The following CILP2 variants were observed in gnomAD, a reference collection of about 807,000 sequenced individuals.
CILP2 encodes the protein CILP-2.
In CILP2, 38 loss-of-function variants were observed where a neutral mutation model predicts 45.6. That is an observed-to-expected ratio of 0.83 (90% CI 0.64 to 1.09). The LOEUF is 1.09. Ranked by LOEUF, CILP2 falls within the 50% of genes least tolerant of loss-of-function variation. The pLI is 0.00. For missense variants in CILP2, 1,735 were observed against 1,662.2 expected, an observed-to-expected ratio of 1.04 and a Z score of -0.76; for synonymous variants, 780 against 723.5, an observed-to-expected ratio of 1.08 and a Z score of -1.25.
At position 19,542,365 on chromosome 19, in the gene CILP2, A is replaced by G; in HGVS notation, c.593-10A>G. 1 of 1,601,844 alleles carries G rather than the reference A, an allele frequency of 6.2e-7. No individual in the cohort carries two copies. ...TTTCTCTGTCCTGCTTCCTCTCCAT[A>G]TCCCCCCAGGGTGCAGCCTTGACAC... On this transcript the variant is annotated splice_polypyrimidine_tract_variant and intron_variant, in intron 4 of 7. Transcript: ENST00000291495.
chr19:19,542,979 G>T lies in CILP2; in HGVS notation c.977+7G>T. 1 of 1,571,726 alleles carries T rather than the reference G, an allele frequency of 6.4e-7. No homozygotes were observed. The highest frequency in any genetic ancestry group is 1.3e-5 in the African/African-American group (1 of 74,092). ...TGCCCAAGAAATACTCCTGGTGAGC[G>T]CCCGCCCCGGGCTCAGGGGCATCTT... is the stretch of plus-strand genomic sequence containing the variant. On this transcript the variant is annotated splice_region_variant and intron_variant, in intron 6 of 7. Transcript: ENST00000291495.
Position 19,544,511 on chromosome 19 carries a change from C to A in CILP2, c.1966C>A (p.Leu656Met). Residue 656 changes from leucine to methionine, a missense_variant, in exon 8 of 8, where the codon CTG becomes ATG. Leu to Met is a conservative substitution (Grantham distance 15, BLOSUM62 2). Coordinates refer to ENST00000291495, the MANE Select transcript of CILP2 (RefSeq NM_153221.2). ...CCGTGCGCCCGGCTCCGCGGAGCAG[C>A]TGCAGGTGGGGCCGGTGGCCGTGCG... ...DLRAPGSAEQ[L>M]QVGPVAVRVA... The A allele has an allele frequency of 6.3e-7, 1 of 1,599,168 alleles. No individual in the cohort carries two copies. The highest frequency in any genetic ancestry group is 1.1e-5 in the South Asian group (1 of 90,580).
Position 19,542,642 on chromosome 19 carries a change from A to G in CILP2, c.860A>G (p.Asp287Gly), listed in dbSNP as rs776017247. ...GSISVVTIIL[D>G]KLEKPYLVKH... The stretch of plus-strand genomic sequence containing the variant: ...ATCTCTGTGGTCACCATCATCCTTG[A>G]TAAGTTGGGTAAGCACCCTTGCAAC... Residue 287 changes from aspartate (D) to glycine (G), a missense_variant, in exon 5 of 8, where the codon GAT (aspartate) becomes GGT (glycine). By Grantham distance (94) the Asp-to-Gly change is moderately conservative. Transcript: ENST00000291495. The G allele has an allele frequency of 6.2e-7, 1 of 1,613,254 alleles. No individual in the cohort carries two copies. Among genetic ancestry groups the G allele is most frequent in the East Asian group, 2.2e-5 (1 of 44,840 alleles).
chr19:19,538,967 G>C (rs1380342581), intron 1 of CILP2, among the ~76,000 whole-genome samples: 3 of 152,246 alleles, frequency 2.0e-5, no homozygotes, highest in African/African-American at 7.2e-5. Flanking sequence ...ACAGACTAAG[G>C]GAGGGGCTTC....
chr19:19,538,997 G>C (rs1017890376), intron 1 of CILP2, among the ~76,000 whole-genome samples: 12 of 152,232 alleles, frequency 7.9e-5, no homozygotes, highest in Non-Finnish European at 1.5e-5. Context: ...AAGTGGATGA[G>C]GGGGAGCCCA....
intron 2 of CILP2, 25 bp from the exon 3 acceptor site, chr19:19,540,172 CGCCCTGG>C (rs1485161288): frequency 6.6e-7 from 1 of 1,526,496 alleles, no homozygotes; most frequent in African/African-American, 1.4e-5. Context: ...TACAGGCCGC[CGCCCTGG>C]TCCCAGCGCG....
rs920768896 is a variant in CILP2, at chr19:19,546,176, G to C, written c.*160G>C. On this transcript the variant is annotated 3_prime_UTR_variant, in exon 8 of 8. Coordinates refer to ENST00000291495, the MANE Select transcript of CILP2 (RefSeq NM_153221.2). Reference sequence around the variant, plus strand: ...AGTCAGACAAGAACCCAGAGCATCCGATGGTAGAAACACCAGGAAGACAAT... The same window carrying C: ...AGTCAGACAAGAACCCAGAGCATCCCATGGTAGAAACACCAGGAAGACAAT... 2.1e-5 allele frequency: 11 copies of C among 531,268 alleles called. No individual in the cohort carries two copies. The highest frequency in any genetic ancestry group is 1.9e-4 in the African/African-American group (10 of 52,178). The allele number at this position is 531,268 out of a possible 1,614,324, so 32.9% of individuals were successfully genotyped here.
At chr19:19,539,824 G>C (rs750744292) in intron 2 of CILP2, 47 bp downstream of exon 2, 17 of 1,475,634 alleles carry the variant, frequency 1.2e-5, no homozygotes, top group East Asian at 4.9e-5. Flanking sequence ...GGGCTTGTTG[G>C]GGGTGGGGCT....
At position 19,545,956 on chromosome 19, in the gene CILP2, G is replaced by A. The variant is rs555035710; in HGVS notation, c.3411G>A (p.Ala1137=). Residue 1137 remains alanine, a synonymous_variant, in exon 8 of 8, where the codon GCG becomes GCA. Transcript: ENST00000291495. ...TCCGCAGGGAGATGAGCGAGGCGGC[G>A]CAGGCACAGGCCCGGGCCTCAGGTC... is the stretch of plus-strand genomic sequence containing the variant. The part of the protein sequence containing the change: ...GDIRREMSEA[A]QAQARASGPL... The A allele has an allele frequency of 8.4e-6, 13 of 1,551,712 alleles. No individual in the cohort carries two copies. Among genetic ancestry groups the A allele is most frequent in the East Asian group, 4.6e-5 (2 of 43,800 alleles).
chr19:19,543,258 G>A lies in CILP2; in HGVS notation c.988G>A (p.Gly330Arg), dbSNP rs568227779. Reference protein sequence around the residue: ...MPKKYSWFHNGTLLDRRAHGY... With the variant: ...MPKKYSWFHNRTLLDRRAHGY... ...TCACCTGCCATCCAGGTTCCACAATGGGACCCTGCTGGACAGGCGAGCTCA... is the reference window on the plus strand; with the variant it reads ...TCACCTGCCATCCAGGTTCCACAATAGGACCCTGCTGGACAGGCGAGCTCA... The change falls in exon 7 of 8, where the codon GGG (glycine) becomes AGG (arginine). Residue 330 changes from glycine to arginine, a missense_variant. Gly to Arg is a moderately radical substitution (Grantham distance 125). Coordinates refer to ENST00000291495, the MANE Select transcript of CILP2 (RefSeq NM_153221.2). The A allele has an allele frequency of 1.2e-6, 2 of 1,613,126 alleles. No individual in the cohort carries two copies. The highest frequency in any genetic ancestry group is 2.7e-5 in the African/African-American group (2 of 75,014).
At position 19,544,652 on chromosome 19, in the gene CILP2, T is replaced by G; in HGVS notation, c.2107T>G (p.Ser703Ala). The G allele has an allele frequency of 6.4e-7, 1 of 1,552,800 alleles. No individual in the cohort carries two copies. The highest frequency in any genetic ancestry group is 8.6e-7 in the Non-Finnish European group (1 of 1,157,508). Residue 703 changes from serine to alanine, a missense_variant, in exon 8 of 8, where the codon TCG (serine) becomes GCG (alanine). Ser to Ala is a moderately conservative substitution (Grantham distance 99). Transcript: ENST00000291495. ...GAGCGGCTTCCGGCGCGAGGGGTCC[T>G]CGGGCCCCCGGGTGCGCCGGGAGGA... ...EESGFRREGSSGPRVRREERV... is the reference protein window; with the variant it reads ...EESGFRREGSAGPRVRREERV...
Position 19,545,847 on chromosome 19 carries a change from C to T in CILP2, c.3302C>T (p.Thr1101Ile), listed in dbSNP as rs1159270617. The change falls in exon 8 of 8, where the codon ACC (threonine) becomes ATC (isoleucine). Residue 1101 changes from threonine (T) to isoleucine (I), a missense_variant. Transcript: ENST00000291495. ...EMKADAGTAV[T>I]FQCREPPAGR... ...AAGGCTGATGCCGGCACAGCCGTCA[C>T]CTTCCAGTGCCGGGAGCCACCGGCC... 6.3e-7 allele frequency: 1 copy of T among 1,585,288 alleles called. No individual in the cohort carries two copies. Among genetic ancestry groups the T allele is most frequent in the Non-Finnish European group, 8.6e-7 (1 of 1,160,488 alleles).
rs545964442 is a variant in CILP2, at chr19:19,544,778, G to A, written c.2233G>A (p.Ala745Thr). 10 of 1,606,660 alleles carry A rather than the reference G, an allele frequency of 6.2e-6. No homozygotes were observed. In the African/African-American group the frequency reaches 6.7e-5, roughly 11 times the overall value. Residue 745 changes from alanine (A) to threonine (T), a missense_variant, in exon 8 of 8, where the codon GCC (alanine) becomes ACC (threonine). Physicochemically the swap from Ala to Thr is moderately conservative, Grantham distance 58. Coordinates refer to ENST00000291495, the MANE Select transcript of CILP2 (RefSeq NM_153221.2). ...RRCFVKVRAY[A>T]NDKFTPSEQV... Reference sequence around the variant, plus strand: ...CTGCTTCGTGAAGGTGCGCGCCTACGCCAACGACAAGTTCACCCCCAGCGA... The same window carrying A: ...CTGCTTCGTGAAGGTGCGCGCCTACACCAACGACAAGTTCACCCCCAGCGA...
Position 19,540,433 on chromosome 19 carries a change from C to A in CILP2, c.393C>A (p.Gly131=). 6.8e-7 allele frequency: 1 copy of A among 1,480,302 alleles called. No homozygotes were observed. The highest frequency in any genetic ancestry group is 2.6e-5 in the East Asian group (1 of 37,920). 91.7% of individuals were successfully genotyped at this position (1,480,302 alleles called of 1,614,324 possible). A position where few individuals can be genotyped will look rare whatever the true frequency, so the allele number is the denominator to read the frequency against. Reference sequence around the variant, plus strand: ...GCCTCAACCGCGAGCAACCGCGTGGCCGCCGCTGCTCCAACTACCACGTGC... The same window carrying A: ...GCCTCAACCGCGAGCAACCGCGTGGACGCCGCTGCTCCAACTACCACGTGC... ...FWCLNREQPR[G]RRCSNYHVRF... Residue 131 remains glycine (G), a synonymous_variant, in exon 3 of 8, where the codon GGC becomes GGA. Transcript: ENST00000291495.
intron 3 of CILP2, 170 bp downstream of exon 3, chr19:19,540,646 C>A (rs1298242181): frequency 2.6e-6 from 2 of 779,462 alleles, no homozygotes; most frequent in Non-Finnish European, 3.7e-6. Flanking sequence ...GGGGCGGGGC[C>A]AGGCAGGGCG....
chr19:19,546,356 T>G lies in CILP2; in HGVS notation c.*340T>G. On this transcript the variant is annotated 3_prime_UTR_variant, in exon 8 of 8. Coordinates refer to ENST00000291495, the MANE Select transcript of CILP2 (RefSeq NM_153221.2). ...TGACCCTGATTTCAATCTTCTACCC[T>G]TGGGAGTTCTGGCGTTTGGCACAAA... 1 of 193,506 alleles carries G rather than the reference T, an allele frequency of 5.2e-6. No homozygotes were observed. The highest frequency in any genetic ancestry group is 1.0e-5 in the Non-Finnish European group (1 of 95,346). The allele number at this position is 193,506 out of a possible 1,614,324, so 12.0% of individuals were successfully genotyped here. A position where few individuals can be genotyped will look rare whatever the true frequency, so the allele number is the denominator to read the frequency against.
At position 19,542,918 on chromosome 19, in the gene CILP2, A is replaced by C. The variant is rs1447846574; in HGVS notation, c.923A>C (p.Asn308Thr). Reference protein sequence around the residue: ...PESRVREAGQNVTFCCKASGT... With the variant: ...PESRVREAGQTVTFCCKASGT... Reference sequence around the variant, plus strand: ...TCCCGAGTGCGAGAGGCTGGCCAGAATGTGACTTTCTGCTGCAAAGCCTCC... The same window carrying C: ...TCCCGAGTGCGAGAGGCTGGCCAGACTGTGACTTTCTGCTGCAAAGCCTCC... The change falls in exon 6 of 8, where the codon AAT becomes ACT. Residue 308 changes from asparagine to threonine, a missense_variant. Coordinates refer to ENST00000291495, the MANE Select transcript of CILP2 (RefSeq NM_153221.2). The C allele has an allele frequency of 2.5e-6, 4 of 1,613,958 alleles. No individual in the cohort carries two copies. In the African/African-American group the frequency reaches 5.3e-5, roughly 22 times the overall value.
Position 19,546,278 on chromosome 19 carries a change from T to C in CILP2, c.*262T>C, listed in dbSNP as rs1353972207. ...CAGGGGACGACGTTCAACCCTAGCC[T>C]GAAGGGACCCGCTCCCAGCTCAGAA... On this transcript the variant is annotated 3_prime_UTR_variant, in exon 8 of 8. Coordinates refer to ENST00000291495, the MANE Select transcript of CILP2 (RefSeq NM_153221.2). 2 of 339,360 alleles carry C rather than the reference T, an allele frequency of 5.9e-6. No homozygotes were observed. The highest frequency in any genetic ancestry group is 8.9e-5 in the East Asian group (2 of 22,370). 21.0% of individuals were successfully genotyped at this position (339,360 alleles called of 1,614,324 possible).
In CILP2 at chr19:19,543,355, G is replaced by A; in HGVS notation, c.1085G>A (p.Trp362Ter). The change falls in exon 7 of 8, where the codon TGG becomes TAG. Residue 362 changes from tryptophan (W) to a stop codon, truncating the protein, a stop_gained. Transcript: ENST00000291495. LOFTEE classifies it low-confidence loss of function (END_TRUNC). ...GCTGGCATCTACCACTGCAAGGCAT[G>A]GAATGAGGCGGGTGCCGTGCGCTCG... ...DQAGIYHCKAWNEAGAVRSGT... is the reference protein window; with the variant it reads ...DQAGIYHCKA The A allele has an allele frequency of 6.2e-7, 1 of 1,613,622 alleles. No individual in the cohort carries two copies. The highest frequency in any genetic ancestry group is 8.5e-7 in the Non-Finnish European group (1 of 1,180,010).
Sources: allele counts gnomAD v4.1 joint callset (sites outside exome capture counted in the v4.1 genomes callset), GRCh38; gene constraint gnomAD v4.1.1; transcripts MANE v1.5; gene names NCBI Gene and HGNC (gene_info 2026-07-23, HGNC 2026-07-21).